Variants in HECTD4 observed in about 807,000 individuals in gnomAD.
HECTD4 encodes probable E3 ubiquitin-protein ligase HECTD4.
A neutral mutation model predicts 471.5 loss-of-function variants in HECTD4; 114 were observed. The ratio of observed to expected loss-of-function variants is 0.24; its 90% CI spans 0.21 to 0.28. The LOEUF is 0.28. Ranked by LOEUF, HECTD4 falls within the 10% of genes least tolerant of loss-of-function variation. The pLI, the probability that HECTD4 is intolerant of heterozygous loss-of-function variation, is 1.00. For missense variants in HECTD4, 3,866 were observed against 5,651.5 expected (o/e 0.68, Z 10.13); for synonymous variants, 2,012 against 2,256.0 (o/e 0.89, Z 3.07).
intron 1 of HECTD4, among the ~76,000 whole-genome samples, chr12:112,347,767 T>C (rs10850033): frequency 0.23 from 34,910 of 152,200 alleles, 6,513 homozygotes; most frequent in East Asian, 0.85. Flanking sequence ...CAGAAGGAGA[T>C]GGGGGCCCCA....
At chr12:112,255,426 T>C (rs1247436274) in intron 21 of HECTD4, among the ~76,000 whole-genome samples, 1 of 152,194 alleles carries the variant, frequency 6.6e-6, no homozygotes, top group Non-Finnish European at 1.5e-5. Context: ...TAAAAGATAA[T>C]GGGGAAGAGG....
intron 1 of HECTD4, among the ~76,000 whole-genome samples, chr12:112,331,304 C>T (rs1172633312): frequency 6.6e-6 from 1 of 152,190 alleles, no homozygotes; most frequent in African/African-American, 2.4e-5. Flanking sequence ...CTCCTGACCT[C>T]AGGTGATCCT....
At chr12:112,170,816 C>A (rs2031185962) in intron 68 of HECTD4, 7 of 460,080 alleles carry the variant, frequency 1.5e-5, no homozygotes, top group Non-Finnish European at 2.7e-5. Flanking sequence ...AACAATGTCA[C>A]TTCTGGGATG....
At chr12:112,365,684 G>A (rs1028329671) in intron 1 of HECTD4, among the ~76,000 whole-genome samples, 2 of 151,050 alleles carry the variant, frequency 1.3e-5, no homozygotes, top group African/African-American at 2.4e-5. Flanking sequence ...TCTATAAGTG[G>A]ACAGAAGCAA....
intron 16 of HECTD4, 29 bp from the exon 17 acceptor site, chr12:112,264,241 A>G (rs982539790): frequency 6.6e-7 from 1 of 1,504,770 alleles, no homozygotes; most frequent in African/African-American, 1.4e-5. Flanking sequence ...CATTTAAATG[A>G]TCTAAATCCT....
chr12:112,175,960 A>C (rs1284635342), intron 65 of HECTD4, 101 bp from the exon 66 acceptor site: 23 of 1,431,836 alleles, frequency 1.6e-5, no homozygotes, highest in Non-Finnish European at 1.4e-5. Flanking sequence ...CTACGGCCCA[A>C]CCCATCTAAT....
chr12:112,331,724 G>C (rs2135715799), intron 1 of HECTD4, among the ~76,000 whole-genome samples: 1 of 152,304 alleles, frequency 6.6e-6, no homozygotes, highest in African/African-American at 2.4e-5. Context: ...GACCTGACTA[G>C]ATAAAAGCTG....
intron 43 of HECTD4, chr12:112,226,969 T>C (rs1308253314): frequency 2.3e-6 from 1 of 439,920 alleles, no homozygotes; most frequent in African/African-American, 2.0e-5. Flanking sequence ...TGACACTGCA[T>C]GAAGAATTGG....
In HECTD4 at chr12:112,212,664, C is replaced by CG; in HGVS notation, c.7466-15dup. 6.3e-7 allele frequency: 1 copy of CG among 1,578,448 alleles called. No individual in the cohort carries two copies. The highest frequency in any genetic ancestry group is 8.6e-7 in the Non-Finnish European group (1 of 1,161,232). ...CTGCCACGTCACCTATAGCAGAGAACGGGAAGGAAAACATATTTTCTCCCT... is the reference window on the plus strand; with the variant it reads ...CTGCCACGTCACCTATAGCAGAGAACGGGGAAGGAAAACATATTTTCTCCCT... On this transcript the variant is annotated splice_polypyrimidine_tract_variant and intron_variant, in intron 48 of 75. Transcript: ENST00000682272.
chr12:112,225,903 C>T (rs2033222110), intron 44 of HECTD4, among the ~76,000 whole-genome samples: 1 of 152,188 alleles, frequency 6.6e-6, no homozygotes, highest in Non-Finnish European at 1.5e-5. Flanking sequence ...GCTGGGATTA[C>T]AGGCACATGC....
At chr12:112,267,081 G>T in intron 13 of HECTD4, 99 bp from the exon 14 acceptor site, 1 of 715,638 alleles carries the variant, frequency 1.4e-6, no homozygotes, top group South Asian at 1.8e-5. Context: ...TCAATTGGAT[G>T]TGAGGGCAAT....
intron 20 of HECTD4, among the ~76,000 whole-genome samples, chr12:112,257,706 C>G (rs1176709963): frequency 5.3e-5 from 8 of 152,126 alleles, no homozygotes; most frequent in African/African-American, 1.9e-4. Context: ...CATTGTATGA[C>G]TATATCACAA....
chr12:112,195,178 A>C, intron 55 of HECTD4, 112 bp from the exon 56 acceptor site: 2 of 882,118 alleles, frequency 2.3e-6, no homozygotes, highest in Non-Finnish European at 3.4e-6. Flanking sequence ...CTTCTCTTCC[A>C]GCCTGATGTT....
At chr12:112,378,305 G>A (rs902875009) in intron 1 of HECTD4, among the ~76,000 whole-genome samples, 4 of 151,904 alleles carry the variant, frequency 2.6e-5, no homozygotes, top group African/African-American at 4.8e-5. Context: ...TGCAAGCTCC[G>A]CCTCCCGGGT....
rs2033487434 is a variant in HECTD4, at chr12:112,235,763, G to T, written c.5466C>A (p.Ile1822=). 1.2e-6 allele frequency: 2 copies of T among 1,613,128 alleles called. No homozygotes were observed. Among genetic ancestry groups the T allele is most frequent in the Non-Finnish European group, 8.5e-7 (1 of 1,179,574 alleles). ...TGGACACACAAGCTGGCTGGCTCAG[G>T]ATGGCTTTACCTATGTGGCTCCTGG... ...DLSRSHIGKA[I]LSQPACVSKL... is the part of the protein sequence containing the mutation. The change falls in exon 36 of 76, where the codon ATC becomes ATA. Residue 1822 remains isoleucine, a synonymous_variant. Coordinates refer to ENST00000682272, the MANE Select transcript of HECTD4 (RefSeq NM_001388303.1). This position sits in a 1 kb window ranked among gnomAD's most constrained non-coding sequence, Gnocchi z 5.0.
chr12:112,269,581 C>T, intron 13 of HECTD4, 123 bp downstream of exon 13: 2 of 1,033,506 alleles, frequency 1.9e-6, no homozygotes, highest in Non-Finnish European at 1.4e-6. Context: ...ATCCCCAATC[C>T]ATGAGGTCCC....
Position 112,228,141 on chromosome 12 carries a change from C to T in HECTD4, c.6802G>A (p.Gly2268Arg), listed in dbSNP as rs780989129. Residue 2268 changes from glycine to arginine, a missense_variant, in exon 43 of 76, where the codon GGG becomes AGG. Transcript: ENST00000682272. This position sits in a 1 kb window ranked among gnomAD's most constrained non-coding sequence, Gnocchi z 4.9. The stretch of plus-strand genomic sequence containing the variant: ...ACGACTGCCATCACAGGAGCTGACC[C>T]ATCTCCTGTTGCAGGAAGTGAGGTG... ...IHTSLPATGD[G>R]SAPVMAVVRL... The T allele has an allele frequency of 1.2e-6, 2 of 1,613,682 alleles. No homozygotes were observed. The highest frequency in any genetic ancestry group is 2.7e-5 in the African/African-American group (2 of 74,892).
chr12:112,176,803 A>C, intron 64 of HECTD4, 101 bp from the exon 65 acceptor site: 1 of 942,580 alleles, frequency 1.1e-6, no homozygotes, highest in Non-Finnish European at 1.7e-6. Flanking sequence ...CCCTCCTCCA[A>C]CTTAGGGCTT....
chr12:112,278,111 G>A (rs73207636), intron 9 of HECTD4, among the ~76,000 whole-genome samples: 2,590 of 152,120 alleles, frequency 0.017, 27 homozygotes, highest in Non-Finnish European at 0.027. Context: ...GTCATAAAAG[G>A]CCATATGTTG....
Sources: allele counts gnomAD v4.1 joint callset (sites outside exome capture counted in the v4.1 genomes callset), GRCh38; gene constraint gnomAD v4.1.1; non-coding constraint Gnocchi (gnomAD v3.1); transcripts MANE v1.5; gene names NCBI Gene and HGNC (gene_info 2026-07-23, HGNC 2026-07-21).